The following ADIPOR2 variants were observed in gnomAD, a reference collection of about 807,000 sequenced individuals.
The protein encoded by ADIPOR2 is adiponectin receptor protein 2.
Under a neutral mutation model 40.9 loss-of-function variants are expected in ADIPOR2, and 18 were observed. That is an observed-to-expected ratio of 0.44 (90% CI 0.30 to 0.65). ADIPOR2 has a LOEUF of 0.65. ADIPOR2 is among the 30% of genes least tolerant of loss of function. The pLI is 0.09. For synonymous variants in ADIPOR2, 165 were observed against 166.4 expected, an observed-to-expected ratio of 0.99 and a Z score of 0.06; for missense variants, 283 against 479.2, an observed-to-expected ratio of 0.59 and a Z score of 3.82.
intron 2 of ADIPOR2, among the ~76,000 whole-genome samples, chr12:1,762,167 T>A (rs1862283960): frequency 1.3e-5 from 2 of 152,250 alleles, no homozygotes; most frequent in South Asian, 4.1e-4. Context: ...TAACTGCTGC[T>A]CATCCTTCAG....
At chr12:1,721,918 C>T (rs1488211568) in intron 1 of ADIPOR2, among the ~76,000 whole-genome samples, 1 of 152,090 alleles carries the variant, frequency 6.6e-6, no homozygotes, top group African/African-American at 2.4e-5. Flanking sequence ...TAGAGTGGTG[C>T]AAAATGAGAT....
intron 2 of ADIPOR2, among the ~76,000 whole-genome samples, chr12:1,766,567 G>A (rs571286253): frequency 6.6e-6 from 1 of 152,296 alleles, no homozygotes; most frequent in East Asian, 1.9e-4. Context: ...TGACCCTAAA[G>A]CCTGGACTCT....
At chr12:1,749,556 C>T (rs985387253) in intron 1 of ADIPOR2, among the ~76,000 whole-genome samples, 3 of 152,176 alleles carry the variant, frequency 2.0e-5, no homozygotes, top group African/African-American at 7.2e-5. Flanking sequence ...GTTCTCTGTT[C>T]TGTTCTGTTA....
At chr12:1,719,897 G>A (rs1301641634) in intron 1 of ADIPOR2, among the ~76,000 whole-genome samples, 1 of 151,942 alleles carries the variant, frequency 6.6e-6, no homozygotes, top group Non-Finnish European at 1.5e-5. Flanking sequence ...GGCTGGTCTC[G>A]ACCTCCTGAC....
chr12:1,740,102 C>CAA (rs879456929), intron 1 of ADIPOR2, among the ~76,000 whole-genome samples: 8 of 139,666 alleles, frequency 5.7e-5, no homozygotes, highest in African/African-American at 2.1e-4. Flanking sequence ...GGCTCCATCT[C>CAA]AAAAAAAAAA....
chr12:1,769,659 A>G (rs1244130628), intron 2 of ADIPOR2, among the ~76,000 whole-genome samples: 1 of 150,940 alleles, frequency 6.6e-6, no homozygotes, highest in African/African-American at 2.4e-5. Context: ...TCCTGTCTCA[A>G]GCCTGCTGAG....
At chr12:1,752,288 C>T (rs2094771164) in intron 1 of ADIPOR2, among the ~76,000 whole-genome samples, 2 of 123,134 alleles carry the variant, frequency 1.6e-5, no homozygotes, top group African/African-American at 6.3e-5. Flanking sequence ...GGCTGGAGTG[C>T]AGTGGCGTGA....
At position 1,704,055 on chromosome 12, in the gene ADIPOR2, A is replaced by ATT. The variant is rs57190793; in HGVS notation, c.-87+12885_-87+12886dup. ...TTTTTGGGTCTTGGTTCTACCTGGA[A>ATT]TTTTTTTTTTTTTTTTTTTTTTGGT... On this transcript the variant is annotated intron_variant, in intron 1 of 7. Coordinates refer to ENST00000357103, the MANE Select transcript of ADIPOR2 (RefSeq NM_024551.3). 6.8e-3 allele frequency among the ~76,000 whole-genome samples: 459 copies of ATT among 67,522 alleles called. 2 individuals carry two copies. The highest frequency in any genetic ancestry group is 9.4e-3 in the East Asian group (19 of 2,014). 44.3% of individuals were successfully genotyped at this position (67,522 alleles called of 152,430 possible).
At chr12:1,743,553 C>G (rs962085658) in intron 1 of ADIPOR2, among the ~76,000 whole-genome samples, 3 of 151,830 alleles carry the variant, frequency 2.0e-5, no homozygotes, top group Non-Finnish European at 4.4e-5. Context: ...CGCCTGTAGT[C>G]TAAGCTTCTC....
intron 1 of ADIPOR2, among the ~76,000 whole-genome samples, chr12:1,710,608 C>T (rs1289056861): frequency 6.6e-6 from 1 of 151,856 alleles, no homozygotes; most frequent in Admixed American, 6.6e-5. Context: ...CTAACAACCC[C>T]CGACTCTTCA....
At chr12:1,736,793 A>G (rs1442912648) in intron 1 of ADIPOR2, among the ~76,000 whole-genome samples, 1 of 152,252 alleles carries the variant, frequency 6.6e-6, no homozygotes, top group Non-Finnish European at 1.5e-5. Flanking sequence ...AATGTGTCCC[A>G]GAGAATCTGG....
intron 2 of ADIPOR2, among the ~76,000 whole-genome samples, chr12:1,769,935 T>G (rs941522521): frequency 2.0e-5 from 3 of 148,428 alleles, no homozygotes; most frequent in Non-Finnish European, 4.4e-5. Flanking sequence ...TTTTTTTTTT[T>G]GAGACAGGGT....
At chr12:1,737,022 G>C (rs2154442765) in intron 1 of ADIPOR2, among the ~76,000 whole-genome samples, 1 of 152,280 alleles carries the variant, frequency 6.6e-6, no homozygotes, top group East Asian at 1.9e-4. Context: ...GCCCGATTTT[G>C]AACTTTTCTT....
At chr12:1,721,486 G>A (rs2094697909) in intron 1 of ADIPOR2, among the ~76,000 whole-genome samples, 1 of 152,128 alleles carries the variant, frequency 6.6e-6, no homozygotes, top group Non-Finnish European at 1.5e-5. Flanking sequence ...ACAGTGCTGG[G>A]ATTACAGGCG....
At chr12:1,780,306 G>A in intron 4 of ADIPOR2, 145 bp from the exon 5 acceptor site, 1 of 833,986 alleles carries the variant, frequency 1.2e-6, no homozygotes, top group Non-Finnish European at 1.7e-6. Context: ...ATTTTGGATA[G>A]GCTTCAGTTA....
intron 1 of ADIPOR2, among the ~76,000 whole-genome samples, chr12:1,729,225 T>C (rs923029405): frequency 1.3e-5 from 2 of 152,134 alleles, no homozygotes; most frequent in African/African-American, 4.8e-5. Flanking sequence ...CCTAGAACTA[T>C]ATTGTAATAA....
At chr12:1,767,449 C>G (rs191901104) in intron 2 of ADIPOR2, among the ~76,000 whole-genome samples, 19 of 152,070 alleles carry the variant, frequency 1.2e-4, no homozygotes, top group Admixed American at 9.2e-4. Context: ...TTGGAGAATA[C>G]TGGGTATACA....
chr12:1,733,257 G>T (rs1395385743), intron 1 of ADIPOR2, among the ~76,000 whole-genome samples: 1 of 152,124 alleles, frequency 6.6e-6, no homozygotes, highest in African/African-American at 2.4e-5. Flanking sequence ...GTTTATTGAG[G>T]TTCTTAGGTA....
intron 2 of ADIPOR2, chr12:1,757,605 C>T (rs983200984): frequency 8.9e-6 from 11 of 1,232,514 alleles, no homozygotes; most frequent in South Asian, 1.2e-5. Context: ...CATCATGAGT[C>T]ACCAGATGAG....
Sources: gnomAD v4.1 joint callset for allele counts (sites outside exome capture counted in the v4.1 genomes callset) on GRCh38, gnomAD v4.1.1 for gene constraint, MANE v1.5 for transcripts, NCBI Gene and HGNC (gene_info 2026-07-23, HGNC 2026-07-21) for gene names.